The following EIF3L variants were observed in gnomAD, a reference collection of about 807,000 sequenced individuals.
The protein encoded by EIF3L is eukaryotic translation initiation factor 3 subunit L.
Under a neutral mutation model 74.6 loss-of-function variants are expected in EIF3L, and 32 were observed. That is an observed-to-expected ratio of 0.43 (90% CI 0.32 to 0.58). The LOEUF (loss-of-function observed/expected upper bound fraction) is 0.58. Ranked by LOEUF, EIF3L falls within the 20% of genes least tolerant of loss-of-function variation. The probability of loss-of-function intolerance (pLI) is 0.06; values close to 1 mark genes in which losing one functional copy is unlikely to be tolerated. For missense variants in EIF3L, 474 were observed against 707.8 expected, an observed-to-expected ratio of 0.67 and a Z score of 3.75; for synonymous variants, 256 against 254.4, an observed-to-expected ratio of 1.01 and a Z score of -0.06.
Position 37,870,364 on chromosome 22 carries a change from G to C in EIF3L, c.751+17G>C. The C allele has an allele frequency of 1.9e-6, 3 of 1,580,482 alleles. No individual in the cohort carries two copies. Among genetic ancestry groups the C allele is most frequent in the East Asian group, 4.5e-5 (2 of 44,370 alleles). On this transcript the variant is annotated intron_variant, in intron 8 of 12. Coordinates refer to ENST00000652021, the MANE Select transcript of EIF3L (RefSeq NM_016091.4). ...CAAGCGGAGGTGAGTGCAGCAGGCC[G>C]ACAGCCGTGGCCTGCGAATTTCCAG...
intron 11 of EIF3L, chr22:37,886,164 A>T (rs1927307976): frequency 6.7e-6 from 1 of 149,876 alleles, no homozygotes; most frequent in Non-Finnish European, 1.5e-5. Flanking sequence ...ACTGCACTCC[A>T]GCCTGAGTGA....
Position 37,888,601 on chromosome 22 carries a change from T to A in EIF3L, c.*137T>A. ...AAGTTAAGGACCGAAGTGTTTCAAG[T>A]GGATCTCAGTAAAGGATCTTTGGAG... is the stretch of plus-strand genomic sequence containing the variant. On this transcript the variant is annotated 3_prime_UTR_variant, in exon 13 of 13. Coordinates refer to ENST00000652021, the MANE Select transcript of EIF3L (RefSeq NM_016091.4). The A allele has an allele frequency of 1.2e-6, 1 of 853,060 alleles. No individual in the cohort carries two copies. Among genetic ancestry groups the A allele is most frequent in the Non-Finnish European group, 1.9e-6 (1 of 527,712 alleles). The allele number at this position is 853,060 out of a possible 1,614,324, so 52.8% of individuals were successfully genotyped here.
chr22:37,857,986 A>G (rs1433239160), intron 4 of EIF3L, among the ~76,000 whole-genome samples: 1 of 152,010 alleles, frequency 6.6e-6, no homozygotes, highest in East Asian at 1.9e-4. Flanking sequence ...CCTGAGCAAC[A>G]TAGGGAGACC....
intron 8 of EIF3L, among the ~76,000 whole-genome samples, chr22:37,871,468 A>G (rs1400826113): frequency 6.6e-6 from 1 of 152,024 alleles, no homozygotes; most frequent in Non-Finnish European, 1.5e-5. Flanking sequence ...CGTCTCATGC[A>G]CAAAAGTATT....
intron 10 of EIF3L, 179 bp downstream of exon 10, chr22:37,876,190 C>T (rs1048194325): frequency 1.5e-5 from 9 of 618,954 alleles, no homozygotes; most frequent in South Asian, 4.5e-5. Context: ...AGTGCAGTGA[C>T]GCAGTCACAG....
At chr22:37,868,570 C>T (rs1478148953) in intron 7 of EIF3L, among the ~76,000 whole-genome samples, 4 of 150,940 alleles carry the variant, frequency 2.7e-5, no homozygotes, top group African/African-American at 9.7e-5. Context: ...TCTCCTGCCT[C>T]AGCCTCCCGA....
chr22:37,886,627 T>G, intron 11 of EIF3L, 138 bp from the exon 12 acceptor site: 3 of 567,590 alleles, frequency 5.3e-6, no homozygotes, highest in Non-Finnish European at 9.3e-6. Context: ...ACTGGTGGTG[T>G]TTTTCCAGTG....
chr22:37,876,275 G>C (rs976732752), intron 10 of EIF3L: 11 of 356,766 alleles, frequency 3.1e-5, no homozygotes, highest in Non-Finnish European at 3.0e-5. Flanking sequence ...GCTTAAAGGC[G>C]CACACAACAA....
In EIF3L at chr22:37,849,428, G is replaced by C. The variant is rs755314685; in HGVS notation, c.-22G>C. The C allele has an allele frequency of 1.9e-6, 3 of 1,613,942 alleles. No individual in the cohort carries two copies. The highest frequency in any genetic ancestry group is 3.3e-5 in the Admixed American group (2 of 60,008). The stretch of plus-strand genomic sequence containing the variant: ...GGCCGCTCATTTCGCTCTTTCCGGC[G>C]GTGCTCGCAAGCGAGGCAGCCATGT... On this transcript the variant is annotated 5_prime_UTR_variant, in exon 1 of 13. Transcript: ENST00000652021.
chr22:37,867,730 G>A (rs1262537878), intron 7 of EIF3L, among the ~76,000 whole-genome samples: 4 of 150,036 alleles, frequency 2.7e-5, no homozygotes, highest in South Asian at 4.2e-4. Flanking sequence ...CGAGGCAGGC[G>A]GATCATGAGG....
At chr22:37,852,678 A>G (rs1300975679) in intron 3 of EIF3L, among the ~76,000 whole-genome samples, 2 of 152,118 alleles carry the variant, frequency 1.3e-5, no homozygotes, top group East Asian at 3.8e-4. Flanking sequence ...GAAACCTCAG[A>G]CATTGCATGG....
In EIF3L at chr22:37,851,427, G is replaced by C. The variant is rs752625789; in HGVS notation, c.230G>C (p.Ser77Thr). ...IDQKVYELQA[S>T]RVSSDVIDQK... ...CAGAAAGTGTATGAGCTACAGGCCA[G>C]TCGTGTCTCCAGTGATGTCATTGAC... Residue 77 changes from serine to threonine, a missense_variant, in exon 3 of 13, where the codon AGT becomes ACT. By Grantham distance (58) the Ser-to-Thr change is moderately conservative. Around this residue, in one of 4 missense-constraint regions of EIF3L, gnomAD observed 141 missense variants for 197.7 expected, o/e 0.71. Transcript: ENST00000652021. 6.2e-7 allele frequency: 1 copy of C among 1,614,116 alleles called. No individual in the cohort carries two copies. Among genetic ancestry groups the C allele is most frequent in the South Asian group, 1.1e-5 (1 of 91,070 alleles).
intron 5 of EIF3L, among the ~76,000 whole-genome samples, chr22:37,862,082 C>T (rs988205260): frequency 6.6e-6 from 1 of 152,190 alleles, no homozygotes; most frequent in Non-Finnish European, 1.5e-5. Flanking sequence ...GTGATCAGCC[C>T]ACTTCAGCCT....
chr22:37,854,545 G>A (rs146042249), intron 3 of EIF3L, among the ~76,000 whole-genome samples: 15 of 152,256 alleles, frequency 9.9e-5, no homozygotes, highest in African/African-American at 2.4e-4. Flanking sequence ...TCAGCTCATC[G>A]CAACCTCCGC....
intron 6 of EIF3L, 53 bp from the exon 7 acceptor site, chr22:37,863,219 G>A: frequency 6.7e-7 from 1 of 1,495,650 alleles, no homozygotes; most frequent in Non-Finnish European, 9.2e-7. Context: ...GCAGCCTACA[G>A]AATGGGCAGA....
Position 37,878,430 on chromosome 22 carries a change from A to C in EIF3L, c.1575+259A>C, listed in dbSNP as rs1467327904. 1.3e-5 allele frequency: 4 copies of C among 302,500 alleles called. 1 individual carries two copies. The highest frequency in any genetic ancestry group is 2.4e-5 in the Non-Finnish European group (4 of 164,812). 18.7% of individuals were successfully genotyped at this position (302,500 alleles called of 1,614,324 possible). On this transcript the variant is annotated intron_variant, in intron 11 of 12. Coordinates refer to ENST00000652021, the MANE Select transcript of EIF3L (RefSeq NM_016091.4). Reference sequence around the variant, plus strand: ...CCTTTTCTCTATTAAAAAAAAAAAAAAAAAAACACAAGAGATAAACAATAG... The same window carrying C: ...CCTTTTCTCTATTAAAAAAAAAAAACAAAAAACACAAGAGATAAACAATAG...
chr22:37,875,721 C>A, intron 9 of EIF3L, 120 bp from the exon 10 acceptor site: 1 of 880,156 alleles, frequency 1.1e-6, no homozygotes, highest in Non-Finnish European at 1.7e-6. Context: ...AACTCTGGGA[C>A]TCCAGAGCTT....
intron 7 of EIF3L, among the ~76,000 whole-genome samples, chr22:37,864,759 G>C (rs986294372): frequency 2.0e-5 from 3 of 151,964 alleles, no homozygotes; most frequent in African/African-American, 7.3e-5. Flanking sequence ...GGCTGGTCTC[G>C]AACTCCCAAC....
chr22:37,856,723 AATCCCAGCTACTTGGG>A (rs1428973550), intron 4 of EIF3L, among the ~76,000 whole-genome samples: 1 of 151,982 alleles, frequency 6.6e-6, no homozygotes, highest in Non-Finnish European at 1.5e-5. Context: ...ACATGCCTGT[AATCCCAGCTACTTGGG>A]AGGTGGAGGC....
Sources: allele counts gnomAD v4.1 joint callset (sites outside exome capture counted in the v4.1 genomes callset), GRCh38; gene constraint gnomAD v4.1.1; regional missense constraint gnomAD v4.1.1; transcripts MANE v1.5; gene names NCBI Gene and HGNC (gene_info 2026-07-23, HGNC 2026-07-21).